Variants in MUC5B observed in about 807,000 individuals in gnomAD.
The protein encoded by MUC5B is mucin 5B, oligomeric mucus/gel-forming, also known as mucin-5B.
A neutral mutation model predicts 376.9 loss-of-function variants in MUC5B; 116 were observed. That is an observed-to-expected ratio of 0.31 (90% CI 0.26 to 0.36). The LOEUF (loss-of-function observed/expected upper bound fraction) is 0.36, where lower values mean the gene tolerates loss of function less well. Among genes scored for constraint, MUC5B ranks in the 10% least tolerant of loss-of-function variants. The pLI, the probability that MUC5B is intolerant of heterozygous loss-of-function variation, is 1.00. For synonymous variants in MUC5B, 3,517 were observed against 3,390.9 expected (o/e 1.04, Z -1.29); for missense variants, 7,165 against 7,769.9 (o/e 0.92, Z 2.93).
In MUC5B at chr11:1,258,668, C is replaced by T. The variant is rs1329183230; in HGVS notation, c.16594-274C>T. 2.6e-5 allele frequency among the ~76,000 whole-genome samples: 4 copies of T among 152,056 alleles called. No individual in the cohort carries two copies. Among genetic ancestry groups the T allele is most frequent in the Admixed American group, 2.0e-4 (3 of 15,276 alleles). On this transcript the variant is annotated intron_variant, in intron 43 of 48. Transcript: ENST00000529681. The surrounding 1 kb of genome is among the most constrained non-coding windows in gnomAD (Gnocchi z 5.5). ...CTGCCCGCCCAGATTCCTACCCGCC[C>T]GGATTCCTGCCTGCCAGATTCCTGC... is the stretch of plus-strand genomic sequence containing the variant.
Position 1,239,709 on chromosome 11 carries a change from T to C in MUC5B, c.3584-90T>C, listed in dbSNP as rs574940846. ...TTGAGGGCAGGCCCCTGCTGGCTGG[T>C]GGGGGGCGGCTACTCCCTGCAGCAT... On this transcript the variant is annotated intron_variant, in intron 27 of 48. Coordinates refer to ENST00000529681, the MANE Select transcript of MUC5B (RefSeq NM_002458.3). 9 of 1,493,500 alleles carry C rather than the reference T, an allele frequency of 6.0e-6. No individual in the cohort carries two copies. The East Asian group carries it at 1.9e-4, about 32-fold the overall frequency. The allele number at this position is 1,493,500 out of a possible 1,614,324, so 92.5% of individuals were successfully genotyped here. A position where few individuals can be genotyped will look rare whatever the true frequency, so the allele number is the denominator to read the frequency against.
At position 1,226,250 on chromosome 11, in the gene MUC5B, C is replaced by T. The variant is rs1341455552; in HGVS notation, c.173C>T (p.Pro58Leu). The change falls in exon 3 of 49, where the codon CCC becomes CTC. Residue 58 changes from proline to leucine, a missense_variant. Physicochemically the swap from Pro to Leu is moderately conservative, Grantham distance 98 (BLOSUM62 -3). Around this residue, in one of 31 missense-constraint regions of MUC5B, gnomAD observed 640 missense variants for 733.0 expected, o/e 0.87. Coordinates refer to ENST00000529681, the MANE Select transcript of MUC5B (RefSeq NM_002458.3). ...SPTRRVSFVP[P>L]VTVFPSLSPL... ...ACCCGGCGCGTGAGCTTTGTTCCAC[C>T]CGTCACTGTCTTCCCCAGCCTGAGC... The T allele has an allele frequency of 3.9e-6, 6 of 1,557,040 alleles. No homozygotes were observed. The highest frequency in any genetic ancestry group is 5.2e-6 in the Non-Finnish European group (6 of 1,152,026).
rs749562501 is a variant in MUC5B at position 1,232,736 on chromosome 11, C to T, written c.2031C>T (p.Gly677=). The T allele has an allele frequency of 1.6e-5, 26 of 1,600,720 alleles. No individual in the cohort carries two copies. Among genetic ancestry groups the T allele is most frequent in the Middle Eastern group, 1.7e-4 (1 of 6,044 alleles). ...ATGTGCACGCCTGTGCCGCCAAGGG[C>T]GTACAGCTCAGCGACTGGAGGGACG... ...SSYVHACAAK[G]VQLSDWRDGV... is the part of the protein sequence containing the mutation. The change falls in exon 17 of 49, where the codon GGC becomes GGT. Residue 677 remains glycine (G), a synonymous_variant. Transcript: ENST00000529681.
At position 1,246,199 on chromosome 11, in the gene MUC5B, A is replaced by G; in HGVS notation, c.9319A>G (p.Thr3107Ala). The G allele has an allele frequency of 6.2e-7, 1 of 1,611,404 alleles. No individual in the cohort carries two copies. The highest frequency in any genetic ancestry group is 8.5e-7 in the Non-Finnish European group (1 of 1,179,342). The change falls in exon 31 of 49, where the codon ACA (threonine) becomes GCA (alanine). Residue 3107 changes from threonine to alanine, a missense_variant. Coordinates refer to ENST00000529681, the MANE Select transcript of MUC5B (RefSeq NM_002458.3). ...CACTCCGGAGACCACCCACACCTCC[A>G]CAGTGCTGACCACGAAGGCCACCAC... ...SSTPETTHTS[T>A]VLTTKATTTR...
rs1397595261 is a variant in MUC5B at position 1,256,679 on chromosome 11, G to A, written c.16145G>A (p.Ser5382Asn). 1 of 1,564,768 alleles carries A rather than the reference G, an allele frequency of 6.4e-7. No individual in the cohort carries two copies. The highest frequency in any genetic ancestry group is 1.2e-5 in the South Asian group (1 of 84,474). ...CTCTTGTCATCCTGCAGGAACCAGAGCCCACAGCTGGAGGGGATGGCGGAG... is the reference window on the plus strand; with the variant it reads ...CTCTTGTCATCCTGCAGGAACCAGAACCCACAGCTGGAGGGGATGGCGGAG... ...QPATCNSRNQ[S>N]PQLEGMAEGC... The change falls in exon 39 of 49, where the codon AGC (serine) becomes AAC (asparagine). Residue 5382 changes from serine (S) to asparagine (N), a missense_variant. By Grantham distance (46) the Ser-to-Asn change is conservative (BLOSUM62 1). Transcript: ENST00000529681.
At chr11:1,237,323 C>T (rs139888954) in intron 25 of MUC5B, among the ~76,000 whole-genome samples, 159 bp downstream of exon 25, 21 of 152,322 alleles carry the variant, frequency 1.4e-4, no homozygotes, top group African/African-American at 5.1e-4. Context: ...GTCCGGATCT[C>T]CCGTCAGCCC....
chr11:1,249,721 G>T lies in MUC5B; in HGVS notation c.12841G>T (p.Val4281Leu). The change falls in exon 31 of 49, where the codon GTG becomes TTG. Residue 4281 changes from valine (V) to leucine (L), a missense_variant. Physicochemically the swap from Val to Leu is conservative, Grantham distance 32. This residue lies in a region of MUC5B where 431 missense variants were observed against 390.4 expected (regional missense o/e 1.10). Transcript: ENST00000529681. ...CCCGGGAACAGCTCCCCCTCCCAAA[G>T]TGCTGACCAGCCCGGCCACCACACC... ...STPGTAPPPK[V>L]LTSPATTPTA... The T allele has an allele frequency of 6.2e-7, 1 of 1,610,060 alleles. No homozygotes were observed. Among genetic ancestry groups the T allele is most frequent in the Non-Finnish European group, 8.5e-7 (1 of 1,177,984 alleles).
chr11:1,225,746 C>A lies in MUC5B; in HGVS notation c.127+9C>A. 6.2e-7 allele frequency: 1 copy of A among 1,603,336 alleles called. No homozygotes were observed. The highest frequency in any genetic ancestry group is 2.3e-5 in the East Asian group (1 of 44,442). Reference sequence around the variant, plus strand: ...GCACACCATGGATGGCGGTATGTGGCCAGGTTCGGGGGTGGGGGGTTCCTG... The same window carrying A: ...GCACACCATGGATGGCGGTATGTGGACAGGTTCGGGGGTGGGGGGTTCCTG... On this transcript the variant is annotated intron_variant, in intron 2 of 48. Coordinates refer to ENST00000529681, the MANE Select transcript of MUC5B (RefSeq NM_002458.3).
At chr11:1,261,320 G>A in intron 48 of MUC5B, 69 bp from the exon 49 acceptor site, 1 of 1,399,900 alleles carries the variant, frequency 7.1e-7, no homozygotes, top group South Asian at 1.3e-5. Flanking sequence ...AGGCCCATGT[G>A]TCACCATGGC....
In MUC5B at chr11:1,233,220, G is replaced by A; in HGVS notation, c.2273G>A (p.Gly758Asp). 6.3e-7 allele frequency: 1 copy of A among 1,596,850 alleles called. No individual in the cohort carries two copies. The highest frequency in any genetic ancestry group is 8.5e-7 in the Non-Finnish European group (1 of 1,175,330). The change falls in exon 18 of 49, where the codon GGC becomes GAC. Residue 758 changes from glycine (G) to aspartate (D), a missense_variant. Physicochemically the swap from Gly to Asp is moderately conservative, Grantham distance 94. Around this residue, in one of 31 missense-constraint regions of MUC5B, gnomAD observed 530 missense variants for 604.0 expected, o/e 0.88. Transcript: ENST00000529681. ...PAQECPCYAHGTVLAPGEVVH... is the reference protein window; with the variant it reads ...PAQECPCYAHDTVLAPGEVVH... ...CAGGAGTGCCCCTGCTACGCTCACGGCACCGTGCTGGCTCCTGGAGAGGTG... is the reference window on the plus strand; with the variant it reads ...CAGGAGTGCCCCTGCTACGCTCACGACACCGTGCTGGCTCCTGGAGAGGTG...
rs1295120934 is a variant in MUC5B, at chr11:1,246,899, C to G, written c.10019C>G (p.Pro3340Arg). 2.3e-5 allele frequency: 37 copies of G among 1,610,908 alleles called. No individual in the cohort carries two copies. The highest frequency in any genetic ancestry group is 3.1e-5 in the Non-Finnish European group (36 of 1,178,790). Residue 3340 changes from proline to arginine, a missense_variant, in exon 31 of 49, where the codon CCC becomes CGC. By Grantham distance (103) the Pro-to-Arg change is moderately radical. Coordinates refer to ENST00000529681, the MANE Select transcript of MUC5B (RefSeq NM_002458.3). ...PPVWISTTTTPTTRGSTVTPS... is the reference protein window; with the variant it reads ...PPVWISTTTTRTTRGSTVTPS... The stretch of plus-strand genomic sequence containing the variant: ...GTGTGGATCAGCACAACCACCACAC[C>G]CACAACCAGAGGCTCCACGGTGACC...
chr11:1,226,988 C>CCAGGAGAG, intron 4 of MUC5B, 43 bp from the exon 5 acceptor site: 3 of 1,581,016 alleles, frequency 1.9e-6, no homozygotes, highest in Non-Finnish European at 1.7e-6. Context: ...GGGCAGGCAG[C>CCAGGAGAG]CAGGAGAGCG....
At chr11:1,233,720 G>C in intron 18 of MUC5B, 73 bp from the exon 19 acceptor site, 1 of 1,475,916 alleles carries the variant, frequency 6.8e-7, no homozygotes, top group Non-Finnish European at 9.3e-7. Context: ...GTTCGGCGGG[G>C]GCTCGGAAGC....
intron 8 of MUC5B, 145 bp downstream of exon 8, chr11:1,228,910 C>A (rs1464483375): frequency 1.3e-6 from 1 of 784,308 alleles, no homozygotes; most frequent in Non-Finnish European, 1.9e-6. Context: ...GCAGAGGCCA[C>A]CCCAGGACCC....
chr11:1,229,179 GC>G lies in MUC5B; in HGVS notation c.991del (p.Leu331SerfsTer141). 6.3e-7 allele frequency: 1 copy of G among 1,594,712 alleles called. No homozygotes were observed. On this transcript the variant is annotated frameshift_variant, in exon 9 of 49. Coordinates refer to ENST00000529681, the MANE Select transcript of MUC5B (RefSeq NM_002458.3). LOFTEE classifies it high-confidence loss of function. Reference sequence around the variant, plus strand: ...ACCTCCTTTTGCGCAGCCCGGACCTGCCCCCTCAACATGCAGCACCAGGAGT... The same window carrying G: ...ACCTCCTTTTGCGCAGCCCGGACCTGCCCCTCAACATGCAGCACCAGGAGT... ...WRCPELCPRTCPLNMQHQECG... is the reference protein window; with the variant it reads ...WRCPELCPRTXPLNMQHQECG...
At chr11:1,235,462 C>G in intron 23 of MUC5B, 49 bp downstream of exon 23, 1 of 1,515,582 alleles carries the variant, frequency 6.6e-7, no homozygotes, top group African/African-American at 1.4e-5. Context: ...AGCCAACGAG[C>G]CGGCCCCCAG....
In MUC5B at chr11:1,239,895, A is replaced by C. The variant is rs55826510; in HGVS notation, c.3680A>C (p.Tyr1227Ser). ...GGCTGCTACGACAAGGACGGAAACT[A>C]CTATGACGTCGGTGCAAGGGTCCCC... is the stretch of plus-strand genomic sequence containing the variant. ...QCGCYDKDGN[Y>S]YDVGARVPTA... Residue 1227 changes from tyrosine (Y) to serine (S), a missense_variant, in exon 28 of 49, where the codon TAC (tyrosine) becomes TCC (serine). Tyr to Ser is a moderately radical substitution (Grantham distance 144). Around this residue, in one of 31 missense-constraint regions of MUC5B, gnomAD observed 517 missense variants for 545.3 expected, o/e 0.95. Transcript: ENST00000529681. 2.7e-5 allele frequency: 43 copies of C among 1,613,338 alleles called. No individual in the cohort carries two copies. The East Asian group carries it at 8.9e-4, about 33-fold the overall frequency.
Position 1,231,020 on chromosome 11 carries a change from C to A in MUC5B, c.1540+15C>A. 1 of 1,578,884 alleles carries A rather than the reference C, an allele frequency of 6.3e-7. No individual in the cohort carries two copies. The highest frequency in any genetic ancestry group is 2.3e-5 in the East Asian group (1 of 42,690). ...CCTGTCGGCAGGTATGTGGCTCTCC[C>A]AGGACGGCCGGGCTGGGTGGCGCCT... On this transcript the variant is annotated intron_variant, in intron 13 of 48. Coordinates refer to ENST00000529681, the MANE Select transcript of MUC5B (RefSeq NM_002458.3).
Position 1,250,937 on chromosome 11 carries a change from C to T in MUC5B, c.14057C>T (p.Thr4686Met), listed in dbSNP as rs4963058. 134,037 of 1,604,624 alleles carry T rather than the reference C, an allele frequency of 0.084. 6,301 individuals are homozygous for T. The highest frequency in any genetic ancestry group is 0.095 in the South Asian group (8,603 of 90,440). Residue 4686 changes from threonine (T) to methionine (M), a missense_variant, in exon 31 of 49, where the codon ACG becomes ATG. Around this residue, in one of 31 missense-constraint regions of MUC5B, gnomAD observed 730 missense variants for 592.7 expected, o/e 1.23. Transcript: ENST00000529681. ...TPPSLTTTAT[T>M]ITATGSTTNP... is the part of the protein sequence containing the mutation. Reference sequence around the variant, plus strand: ...CCATCACTGACCACCACGGCCACTACGATCACGGCCACCGGCTCCACCACC... The same window carrying T: ...CCATCACTGACCACCACGGCCACTATGATCACGGCCACCGGCTCCACCACC...
Sources: allele counts gnomAD v4.1 joint callset (sites outside exome capture counted in the v4.1 genomes callset), GRCh38; gene constraint gnomAD v4.1.1; regional missense constraint gnomAD v4.1.1; non-coding constraint Gnocchi (gnomAD v3.1); transcripts MANE v1.5; gene names NCBI Gene and HGNC (gene_info 2026-07-23, HGNC 2026-07-21).